TRPM3: variants seen among roughly 807,000 people sequenced by gnomAD.
The protein encoded by TRPM3 is long transient receptor potential channel 3.
TRPM3 carries 77 observed loss-of-function variants against 181.2 expected under a neutral mutation model. The observed-to-expected ratio is 0.42, with a 90% CI of 0.35 to 0.51. The LOEUF is 0.51. Ranked by LOEUF, TRPM3 falls within the 20% of genes least tolerant of loss-of-function variation. TRPM3 has a pLI of 0.01. For missense variants in TRPM3, 1,759 were observed against 2,196.7 expected (o/e 0.80, Z 3.98); for synonymous variants, 745 against 796.4 (o/e 0.94, Z 1.09).
chr9:70,768,498 T>G (rs1008940341), intron 7 of TRPM3, among the ~76,000 whole-genome samples: 2 of 152,190 alleles, frequency 1.3e-5, no homozygotes, highest in African/African-American at 4.8e-5. Flanking sequence ...AAACAGTTTT[T>G]TTTTTCTTGA....
intron 1 of TRPM3, among the ~76,000 whole-genome samples, chr9:71,069,915 A>T (rs909020609): frequency 2.6e-5 from 4 of 152,068 alleles, no homozygotes; most frequent in African/African-American, 4.8e-5. Context: ...GCGAAAATTA[A>T]TTTTTTTAAA....
intron 1 of TRPM3, among the ~76,000 whole-genome samples, chr9:71,209,155 A>T (rs2079314272): frequency 6.6e-6 from 1 of 152,140 alleles, no homozygotes; most frequent in African/African-American, 2.4e-5. Context: ...ATGATTGCTA[A>T]AAGTGCTTGC....
At chr9:71,083,734 ACAC>A (rs1466368827) in intron 1 of TRPM3, among the ~76,000 whole-genome samples, 1 of 151,442 alleles carries the variant, frequency 6.6e-6, no homozygotes, top group Non-Finnish European at 1.5e-5. Context: ...ACACACACAC[ACAC>A]ACACACACAC....
chr9:71,336,851 G>T (rs1266426297), intron 1 of TRPM3, among the ~76,000 whole-genome samples: 1 of 152,146 alleles, frequency 6.6e-6, no homozygotes, highest in Admixed American at 6.5e-5. Context: ...AAGCAATGGG[G>T]AAAGGATTCC....
At chr9:71,234,281 A>C (rs1019551579) in intron 1 of TRPM3, among the ~76,000 whole-genome samples, 6 of 152,098 alleles carry the variant, frequency 3.9e-5, no homozygotes, top group African/African-American at 1.4e-4. Context: ...GGAAGTCACT[A>C]CCATTTTCTT....
At chr9:70,754,354 T>A (rs2076699847) in intron 8 of TRPM3, among the ~76,000 whole-genome samples, 1 of 152,192 alleles carries the variant, frequency 6.6e-6, no homozygotes, top group Admixed American at 6.5e-5. Flanking sequence ...GCAGATAGTC[T>A]TTATCTCTTT....
intron 1 of TRPM3, among the ~76,000 whole-genome samples, chr9:70,968,900 A>G (rs1019159294): frequency 2.6e-5 from 4 of 152,190 alleles, no homozygotes; most frequent in African/African-American, 9.6e-5. Context: ...ACCTAAAACC[A>G]TAAAAATCCT....
chr9:71,369,544 G>A (rs760720043), intron 1 of TRPM3, among the ~76,000 whole-genome samples: 1 of 151,988 alleles, frequency 6.6e-6, no homozygotes, highest in Admixed American at 6.6e-5. Context: ...TCACTCTGTC[G>A]CCAGGCTGGA....
Position 70,999,176 on chromosome 9 carries a change from C to A in TRPM3, c.177+122002G>T, listed in dbSNP as rs142170248. On this transcript the variant is annotated intron_variant, in intron 1 of 25. Transcript: ENST00000677713. The stretch of plus-strand genomic sequence containing the variant: ...ATGAGTCAGATTATCTGGCCTACCC[C>A]CTACAGGGCCTCACTAGAAAAGAAA... 3.3e-5 allele frequency among the ~76,000 whole-genome samples: 5 copies of A among 152,168 alleles called. No homozygotes were observed. The East Asian group carries it at 5.8e-4, about 18-fold the overall frequency.
At chr9:70,657,730 A>G (rs1321331902) in intron 9 of TRPM3, among the ~76,000 whole-genome samples, 1 of 152,084 alleles carries the variant, frequency 6.6e-6, no homozygotes, top group Non-Finnish European at 1.5e-5. Context: ...CCTGAGTCTA[A>G]AAAGGACAGC....
chr9:71,251,464 T>G (rs1003116934), intron 1 of TRPM3, among the ~76,000 whole-genome samples: 3 of 152,194 alleles, frequency 2.0e-5, no homozygotes, highest in Non-Finnish European at 4.4e-5. Context: ...TTATCATAAA[T>G]GTTTATTTAA....
intron 1 of TRPM3, among the ~76,000 whole-genome samples, chr9:71,162,459 T>A (rs2076329082): frequency 6.6e-6 from 1 of 152,078 alleles, no homozygotes; most frequent in South Asian, 2.1e-4. Context: ...TCATGCATTT[T>A]ATTGTACTCT....
rs12340423 is a variant in TRPM3 at position 71,207,691 on chromosome 9, G to C, written c.183+238962C>G. Among the ~76,000 whole-genome samples, 735 of 152,196 alleles carry C rather than the reference G, an allele frequency of 4.8e-3. 9 individuals carry two copies. The highest frequency in any genetic ancestry group is 0.017 in the African/African-American group (716 of 41,548). ...GTAATTACAGAAACTCTTTGAATCA[G>C]ATATTGTTCAAAATGAAGATGAACT... is the stretch of plus-strand genomic sequence containing the variant. On this transcript the variant is annotated intron_variant, in intron 1 of 24. Transcript: ENST00000357533.
chr9:70,776,527 G>A, intron 7 of TRPM3: 1 of 689,860 alleles, frequency 1.4e-6, no homozygotes, highest in African/African-American at 1.8e-5. Context: ...AAGGAAATAA[G>A]TAAACTGAAT....
In TRPM3 at chr9:71,044,331, C is replaced by G. The variant is rs139159417; in HGVS notation, c.177+76847G>C. Reference sequence around the variant, plus strand: ...AAGCAGCTGCTCCCATTTCTGTCACCAGACTCGCAGAGAAGAAAACCCAAA... The same window carrying G: ...AAGCAGCTGCTCCCATTTCTGTCACGAGACTCGCAGAGAAGAAAACCCAAA... On this transcript the variant is annotated intron_variant, in intron 1 of 25. Transcript: ENST00000677713. Among the ~76,000 whole-genome samples, 936 of 152,262 alleles carry G rather than the reference C, an allele frequency of 6.1e-3. 9 individuals are homozygous for G. Among genetic ancestry groups the G allele is most frequent in the African/African-American group, 0.021 (865 of 41,562 alleles).
chr9:70,999,363 C>G (rs993545444), intron 1 of TRPM3, among the ~76,000 whole-genome samples: 6 of 152,192 alleles, frequency 3.9e-5, no homozygotes, highest in Non-Finnish European at 8.8e-5. Flanking sequence ...CAGAATTTAG[C>G]ATCATTCTTA....
At chr9:70,579,457 C>A (rs2055034813) in intron 22 of TRPM3, 1 of 152,016 alleles carries the variant, frequency 6.6e-6, no homozygotes, top group Non-Finnish European at 1.5e-5. Context: ...ACCACCGTGC[C>A]CAGTGGGAAT....
chr9:71,278,738 A>G (rs1369092616), intron 1 of TRPM3, among the ~76,000 whole-genome samples: 26 of 152,164 alleles, frequency 1.7e-4, no homozygotes, highest in Admixed American at 1.7e-3. Context: ...AAAGGAATAG[A>G]TTGACAGATT....
intron 1 of TRPM3, among the ~76,000 whole-genome samples, chr9:71,303,810 T>G (rs978256869): frequency 6.6e-6 from 1 of 152,170 alleles, no homozygotes; most frequent in Non-Finnish European, 1.5e-5. Flanking sequence ...AATAGGTTTT[T>G]AATAGAAATA....
Sources: gnomAD v4.1 joint callset for allele counts (sites outside exome capture counted in the v4.1 genomes callset) on GRCh38, gnomAD v4.1.1 for gene constraint, MANE v1.5 for transcripts, NCBI Gene and HGNC (gene_info 2026-07-23, HGNC 2026-07-21) for gene names.